Variants in ARHGAP27 observed in about 807,000 individuals in gnomAD.
The protein encoded by ARHGAP27 is Rho GTPase activating protein 27.
A neutral mutation model predicts 102.0 loss-of-function variants in ARHGAP27; 53 were observed. The ratio of observed to expected loss-of-function variants is 0.52; its 90% CI spans 0.42 to 0.65. The LOEUF is 0.65. Ranked by LOEUF, ARHGAP27 falls within the 30% of genes least tolerant of loss-of-function variation. The pLI, the probability that ARHGAP27 is intolerant of heterozygous loss-of-function variation, is 0.00. For synonymous variants in ARHGAP27, 525 were observed against 542.8 expected (o/e 0.97, Z 0.46); for missense variants, 1,117 against 1,256.2 (o/e 0.89, Z 1.68).
At position 45,430,368 on chromosome 17, in the gene ARHGAP27, C is replaced by G; in HGVS notation, c.-18-71G>C. ...CCTGGAATAGCCCCGCACTCGGGGA[C>G]AGACTTGGGTTCGAGTCCCGATCCT... On this transcript the variant is annotated intron_variant, in intron 3 of 19. Coordinates refer to ENST00000685559, the MANE Select transcript of ARHGAP27 (RefSeq NM_001282290.2). The surrounding 1 kb of genome is among the most constrained non-coding windows in gnomAD (Gnocchi z 4.4). 2.7e-6 allele frequency: 4 copies of G among 1,486,252 alleles called. No homozygotes were observed. The highest frequency in any genetic ancestry group is 3.5e-6 in the Non-Finnish European group (4 of 1,129,146). The allele number at this position is 1,486,252 out of a possible 1,614,324, so 92.1% of individuals were successfully genotyped here. A position where few individuals can be genotyped will look rare whatever the true frequency, so the allele number is the denominator to read the frequency against.
chr17:45,414,758 A>G (rs966187769), intron 4 of ARHGAP27, among the ~76,000 whole-genome samples: 3 of 148,240 alleles, frequency 2.0e-5, no homozygotes, highest in Non-Finnish European at 4.5e-5. Context: ...TGGTCTCTCC[A>G]TCTTAAAAAG....
chr17:45,424,739 G>A (rs1168284611), intron 4 of ARHGAP27, among the ~76,000 whole-genome samples: 1 of 152,148 alleles, frequency 6.6e-6, no homozygotes, highest in Non-Finnish European at 1.5e-5. Context: ...GGTGACGGGT[G>A]CACCAAAATC....
chr17:45,422,250 CAA>C (rs35947196), intron 4 of ARHGAP27, among the ~76,000 whole-genome samples: 5 of 141,940 alleles, frequency 3.5e-5, no homozygotes, highest in South Asian at 2.3e-4. Flanking sequence ...CAAAAAATAC[CAA>C]AAAAAAAAAA....
chr17:45,398,423 G>A (rs990817381), intron 12 of ARHGAP27, among the ~76,000 whole-genome samples: 5 of 152,134 alleles, frequency 3.3e-5, no homozygotes, highest in African/African-American at 1.2e-4. Context: ...GCACTGGCCT[G>A]CAAACTAAGT....
rs1417531087 is a variant in ARHGAP27 at position 45,430,318 on chromosome 17, G to C, written c.-18-21C>G. 1 of 1,525,510 alleles carries C rather than the reference G, an allele frequency of 6.6e-7. No homozygotes were observed. The highest frequency in any genetic ancestry group is 8.7e-7 in the Non-Finnish European group (1 of 1,144,662). 94.5% of individuals were successfully genotyped at this position (1,525,510 alleles called of 1,614,324 possible). On this transcript the variant is annotated intron_variant, in intron 3 of 19. Transcript: ENST00000685559. This position sits in a 1 kb window ranked among gnomAD's most constrained non-coding sequence, Gnocchi z 4.4. Reference sequence around the variant, plus strand: ...TTTTCCTGCGGGCAACAAGAAGGAGGGCCGCGGAGGTCAAGACCACCGAGC... The same window carrying C: ...TTTTCCTGCGGGCAACAAGAAGGAGCGCCGCGGAGGTCAAGACCACCGAGC...
intron 4 of ARHGAP27, among the ~76,000 whole-genome samples, chr17:45,414,902 C>CAAAAAAA (rs35471470): frequency 1.1e-5 from 1 of 92,962 alleles, no homozygotes; most frequent in African/African-American, 4.5e-5. Context: ...CTAAAAATAC[C>CAAAAAAA]AAAAAAAAAA....
chr17:45,406,594 G>C (rs1398951330), intron 4 of ARHGAP27, among the ~76,000 whole-genome samples: 1 of 152,242 alleles, frequency 6.6e-6, no homozygotes, highest in Non-Finnish European at 1.5e-5. Context: ...GTCAGAGGTT[G>C]GGCAGGAACT....
rs1489066699 is a variant in ARHGAP27 at position 45,404,331 on chromosome 17, G to C, written c.1417C>G (p.Pro473Ala). ...CTCCCAACCTCATCCAGCTCTGCTG[G>C]GACCTATGGGGGAAGACAGATAGAT... ...AQASPPEEKV[P>A]AELDEVGSWE... Residue 473 changes from proline to alanine, a missense_variant, in exon 9 of 20, where the codon CCA becomes GCA. Transcript: ENST00000685559. 5 of 1,613,894 alleles carry C rather than the reference G, an allele frequency of 3.1e-6. No homozygotes were observed. The highest frequency in any genetic ancestry group is 2.7e-5 in the African/African-American group (2 of 74,890).
rs1197482030 is a variant in ARHGAP27, at chr17:45,430,906, G to A, written c.-18-609C>T. Reference sequence around the variant, plus strand: ...TGTCGCTGCCCCCCTTAGTCCGAGGGCCTTGCTGTAGAGGCCTCCGCTGCC... The same window carrying A: ...TGTCGCTGCCCCCCTTAGTCCGAGGACCTTGCTGTAGAGGCCTCCGCTGCC... On this transcript the variant is annotated intron_variant, in intron 3 of 19. Transcript: ENST00000685559. The surrounding 1 kb of genome is among the most constrained non-coding windows in gnomAD (Gnocchi z 4.4). Among the ~76,000 whole-genome samples the A allele has an allele frequency of 6.6e-6, 1 of 152,084 alleles. No homozygotes were observed. The highest frequency in any genetic ancestry group is 1.5e-5 in the Non-Finnish European group (1 of 68,008).
chr17:45,432,008 GC>G (rs1436499298), intron 2 of ARHGAP27, among the ~76,000 whole-genome samples: 8 of 18,066 alleles, frequency 4.4e-4, no homozygotes, highest in Admixed American at 1.5e-3. Context: ...TCTATTCCCC[GC>G]CCCCCCACCC....
At chr17:45,429,459 C>A in intron 4 of ARHGAP27, 164 bp downstream of exon 4, 1 of 1,467,766 alleles carries the variant, frequency 6.8e-7, no homozygotes, top group South Asian at 1.4e-5. Context: ...GCGTGCACCC[C>A]TCACGTTTCG....
chr17:45,398,596 T>A (rs1376865921), intron 12 of ARHGAP27, among the ~76,000 whole-genome samples: 1 of 151,968 alleles, frequency 6.6e-6, no homozygotes, highest in Non-Finnish European at 1.5e-5. Context: ...TAGCCAGGCA[T>A]GGTGGCGGGC....
At chr17:45,414,146 C>A (rs2048206172) in intron 4 of ARHGAP27, among the ~76,000 whole-genome samples, 1 of 152,022 alleles carries the variant, frequency 6.6e-6, no homozygotes, top group South Asian at 2.1e-4. Flanking sequence ...AACCTCCCAG[C>A]CAGCGAAGGC....
At chr17:45,402,590 C>G (rs1457140437) in intron 12 of ARHGAP27, 124 bp downstream of exon 12, 4 of 827,440 alleles carry the variant, frequency 4.8e-6, no homozygotes, top group Admixed American at 2.5e-5. Context: ...AAGCTGCACT[C>G]AGTGTTGGCT....
intron 4 of ARHGAP27, chr17:45,425,423 A>C: frequency 3.1e-6 from 1 of 318,778 alleles, no homozygotes; most frequent in Non-Finnish European, 4.5e-6. Context: ...CTGCCCTTGG[A>C]GTTTGTCCTA....
chr17:45,410,873 T>G lies in ARHGAP27; in HGVS notation c.658-4790A>C, dbSNP rs79650010. 2.7e-3 allele frequency among the ~76,000 whole-genome samples: 407 copies of G among 152,116 alleles called. 13 individuals carry two copies. In the East Asian group the frequency reaches 0.063, roughly 24 times the overall value. ...CCAAAGAGGAAGGGGTCTGGGCAGATGTGATATCACAGGGAGCTGGCATCT... is the reference window on the plus strand; with the variant it reads ...CCAAAGAGGAAGGGGTCTGGGCAGAGGTGATATCACAGGGAGCTGGCATCT... On this transcript the variant is annotated intron_variant, in intron 4 of 19. Transcript: ENST00000685559.
chr17:45,416,290 G>A (rs1002421918), intron 4 of ARHGAP27, among the ~76,000 whole-genome samples: 1 of 151,768 alleles, frequency 6.6e-6, no homozygotes, highest in Non-Finnish European at 1.5e-5. Flanking sequence ...TCCTGACCTC[G>A]TGATCCGCCC....
chr17:45,396,997 C>G lies in ARHGAP27; in HGVS notation c.1870G>C (p.Glu624Gln), dbSNP rs771562751. 6.2e-7 allele frequency: 1 copy of G among 1,604,590 alleles called. No individual in the cohort carries two copies. The highest frequency in any genetic ancestry group is 1.7e-5 in the Admixed American group (1 of 60,026). ...LSAELPPEES[E>Q]SSRVDFGSSE... Reference sequence around the variant, plus strand: ...GACCCGAAGTCCACTCTGCTGCTCTCGCTCTCCTCTGGGGGCAGCTCTGCG... The same window carrying G: ...GACCCGAAGTCCACTCTGCTGCTCTGGCTCTCCTCTGGGGGCAGCTCTGCG... Residue 624 changes from glutamate to glutamine, a missense_variant, in exon 14 of 20, where the codon GAG becomes CAG. By Grantham distance (29) the Glu-to-Gln change is conservative. This residue lies in a region of ARHGAP27 where 493 missense variants were observed against 505.5 expected (regional missense o/e 0.98). Transcript: ENST00000685559.
chr17:45,405,988 C>T lies in ARHGAP27; in HGVS notation c.753G>A (p.Val251=), dbSNP rs1359110815. 18 of 1,535,670 alleles carry T rather than the reference C, an allele frequency of 1.2e-5. No homozygotes were observed. Among genetic ancestry groups the T allele is most frequent in the Non-Finnish European group, 1.4e-5 (16 of 1,146,754 alleles). The change falls in exon 5 of 20, where the codon GTG becomes GTA. Residue 251 remains valine, a synonymous_variant. Transcript: ENST00000685559. ...GAAAAPLPSP[V]WETHTDAGTG... is the part of the protein sequence containing the mutation. ...TGCCCGCGTCCGTGTGCGTCTCCCA[C>T]ACCGGGCTGGGAAGGGGGGCTGCAG...
Sources: allele counts gnomAD v4.1 joint callset (sites outside exome capture counted in the v4.1 genomes callset), GRCh38; gene constraint gnomAD v4.1.1; regional missense constraint gnomAD v4.1.1; non-coding constraint Gnocchi (gnomAD v3.1); transcripts MANE v1.5; gene names NCBI Gene and HGNC (gene_info 2026-07-23, HGNC 2026-07-21).